QSOX2: variants seen among roughly 807,000 people sequenced by gnomAD.
QSOX2 encodes quiescin sulfhydryl oxidase 2, also known as sulfhydryl oxidase 2.
A neutral mutation model predicts 61.7 loss-of-function variants in QSOX2; 46 were observed. That is an observed-to-expected ratio of 0.75 (90% confidence interval 0.59 to 0.95). The LOEUF (loss-of-function observed/expected upper bound fraction) is 0.95, where lower values mean the gene tolerates loss of function less well. QSOX2 is among the 40% of genes least tolerant of loss of function. The pLI, the probability that QSOX2 is intolerant of heterozygous loss-of-function variation, is 0.00. For synonymous variants in QSOX2, 383 were observed against 388.4 expected (o/e 0.99, Z 0.16); for missense variants, 879 against 918.9 (o/e 0.96, Z 0.56).
chr9:136,233,064 G>A (rs1007492195), intron 1 of QSOX2, among the ~76,000 whole-genome samples: 1 of 152,078 alleles, frequency 6.6e-6, no homozygotes, highest in African/African-American at 2.4e-5. Flanking sequence ...GGAAGGAAGA[G>A]GAGCGAGCAC....
At chr9:136,219,639 A>G (rs904812171) in intron 6 of QSOX2, among the ~76,000 whole-genome samples, 23 of 152,084 alleles carry the variant, frequency 1.5e-4, no homozygotes, top group African/African-American at 4.3e-4. Flanking sequence ...CTGTGTGGAC[A>G]GGGTGGAGCT....
chr9:136,211,480 C>CGGCAGGTG (rs1554755910), intron 10 of QSOX2, 28 bp from the exon 11 acceptor site: 9 of 1,607,770 alleles, frequency 5.6e-6, no homozygotes, highest in African/African-American at 1.3e-5. Flanking sequence ...CTGCTGACAA[C>CGGCAGGTG]GGCAGGTGCG....
chr9:136,242,679 C>T (rs1283218435), intron 1 of QSOX2, among the ~76,000 whole-genome samples: 1 of 152,254 alleles, frequency 6.6e-6, no homozygotes, highest in Non-Finnish European at 1.5e-5. Flanking sequence ...AGCCAGGCGC[C>T]AAGCAGACAG....
chr9:136,211,519 A>G (rs1486825755), intron 10 of QSOX2, 67 bp from the exon 11 acceptor site: 1 of 1,539,078 alleles, frequency 6.5e-7, no homozygotes, highest in South Asian at 1.1e-5. Context: ...ACGCTTGTCC[A>G]GAGAGCCTGG....
intron 1 of QSOX2, among the ~76,000 whole-genome samples, chr9:136,233,538 TA>T (rs1830351168): frequency 6.6e-6 from 1 of 152,188 alleles, no homozygotes; most frequent in Non-Finnish European, 1.5e-5. Flanking sequence ...CCATCGTTGT[TA>T]TAGGAAGAGC....
rs1830244207 is a variant in QSOX2, at chr9:136,223,363, C to T, written c.675+400G>A. 6.6e-6 allele frequency among the ~76,000 whole-genome samples: 1 copy of T among 152,158 alleles called. No homozygotes were observed. Among genetic ancestry groups the T allele is most frequent in the African/African-American group, 2.4e-5 (1 of 41,414 alleles). Reference sequence around the variant, plus strand: ...GTATGACGATAGAAACGACGTTTTACAGAATCTTGGATTTGGCAAAAATGT... The same window carrying T: ...GTATGACGATAGAAACGACGTTTTATAGAATCTTGGATTTGGCAAAAATGT... On this transcript the variant is annotated intron_variant, in intron 5 of 11. Transcript: ENST00000358701. The surrounding 1 kb of genome is among the most constrained non-coding windows in gnomAD (Gnocchi z 4.4).
rs374517355 is a variant in QSOX2 at position 136,214,712 on chromosome 9, G to A, written c.1360+442C>T. On this transcript the variant is annotated intron_variant, in intron 10 of 11. Transcript: ENST00000358701. ...AGAGGACCCAGATGAGGCCATGCCC[G>A]GCCCTCAGAAACCATGAGCTCATAA... Among the ~76,000 whole-genome samples the A allele has an allele frequency of 7.2e-5, 11 of 152,300 alleles. No homozygotes were observed. The South Asian group carries it at 8.3e-4, about 11-fold the overall frequency.
intron 1 of QSOX2, among the ~76,000 whole-genome samples, chr9:136,238,427 T>C (rs566049035): frequency 6.6e-6 from 1 of 152,340 alleles, no homozygotes; most frequent in African/African-American, 2.4e-5. Flanking sequence ...ACCACAATTC[T>C]ACCAGGAAGG....
intron 1 of QSOX2, among the ~76,000 whole-genome samples, chr9:136,237,184 G>A (rs574537449): frequency 4.7e-4 from 67 of 143,662 alleles, no homozygotes; most frequent in Non-Finnish European, 3.2e-4. Flanking sequence ...TGCCCGTCCT[G>A]TGCCACACCT....
chr9:136,235,307 C>T (rs1830371518), intron 1 of QSOX2, among the ~76,000 whole-genome samples: 1 of 152,262 alleles, frequency 6.6e-6, no homozygotes, highest in Admixed American at 6.5e-5. Context: ...CCCACGACGG[C>T]CACACCTGCA....
chr9:136,216,825 G>A (rs1831920015), intron 8 of QSOX2, 103 bp from the exon 9 acceptor site: 2 of 1,429,460 alleles, frequency 1.4e-6, no homozygotes, highest in East Asian at 4.7e-5. Flanking sequence ...CATCCGCAGA[G>A]GGGCTGAACC....
chr9:136,214,451 T>A (rs1030190231), intron 10 of QSOX2, among the ~76,000 whole-genome samples: 1 of 152,306 alleles, frequency 6.6e-6, no homozygotes, highest in South Asian at 2.1e-4. Context: ...ACCCTCTCAC[T>A]GGCTTGCTGA....
chr9:136,234,026 C>A (rs929042129), intron 1 of QSOX2, among the ~76,000 whole-genome samples: 2 of 152,024 alleles, frequency 1.3e-5, no homozygotes, highest in Non-Finnish European at 2.9e-5. Context: ...GCCGCTGCAA[C>A]CTGGGGCAGG....
At chr9:136,212,558 T>A (rs1373123121) in intron 10 of QSOX2, among the ~76,000 whole-genome samples, 1 of 152,232 alleles carries the variant, frequency 6.6e-6, no homozygotes, top group African/African-American at 2.4e-5. Context: ...CACCTCCTCC[T>A]CAGCCTTGAG....
rs1830236264 is a variant in QSOX2 at position 136,222,943 on chromosome 9, G to A, written c.675+820C>T. ...AGAGAATCCTGGCCAACCATCTGGA[G>A]GCAGCCTGGCGTCACCATCAAACCT... On this transcript the variant is annotated intron_variant, in intron 5 of 11. Transcript: ENST00000358701. This position sits in a 1 kb window ranked among gnomAD's most constrained non-coding sequence, Gnocchi z 6.9. Among the ~76,000 whole-genome samples the A allele has an allele frequency of 6.6e-6, 1 of 152,242 alleles. No individual in the cohort carries two copies. Among genetic ancestry groups the A allele is most frequent in the South Asian group, 2.1e-4 (1 of 4,836 alleles).
intron 1 of QSOX2, among the ~76,000 whole-genome samples, 191 bp from the exon 2 acceptor site, chr9:136,227,065 C>T (rs1424639164): frequency 1.3e-5 from 2 of 152,166 alleles, no homozygotes; most frequent in African/African-American, 4.8e-5. Flanking sequence ...ACCAACAGCA[C>T]GATGCCTCTC....
At position 136,211,340 on chromosome 9, in the gene QSOX2, C is replaced by T. The variant is rs1470127701; in HGVS notation, c.1473G>A (p.Met491Ile). The stretch of plus-strand genomic sequence containing the variant: ...CTTGGTCTGGGGTTTTCACCGAGTC[C>T]ATGGATTCTTTAGCCATTTCCTCAA... ...EHFEEMAKES[M>I]DSVKTPDQAI... Residue 491 changes from methionine (M) to isoleucine (I), a missense_variant, in exon 11 of 12, where the codon ATG (methionine) becomes ATA (isoleucine). Physicochemically the swap from Met to Ile is conservative, Grantham distance 10 (BLOSUM62 1). Coordinates refer to ENST00000358701, the MANE Select transcript of QSOX2 (RefSeq NM_181701.4). 1 of 1,614,254 alleles carries T rather than the reference C, an allele frequency of 6.2e-7. No individual in the cohort carries two copies. Among genetic ancestry groups the T allele is most frequent in the Admixed American group, 1.7e-5 (1 of 60,034 alleles).
intron 10 of QSOX2, 101 bp downstream of exon 10, chr9:136,215,053 A>G: frequency 7.2e-7 from 1 of 1,382,498 alleles, no homozygotes; most frequent in East Asian, 2.5e-5. Flanking sequence ...GCCTGGCGAC[A>G]TGCTGCCTCC....
At chr9:136,235,162 G>A (rs1830369728) in intron 1 of QSOX2, among the ~76,000 whole-genome samples, 1 of 152,246 alleles carries the variant, frequency 6.6e-6, no homozygotes, top group African/African-American at 2.4e-5. Context: ...TGCTCCATCT[G>A]TAAAATGGAG....
Sources: allele counts gnomAD v4.1 joint callset (sites outside exome capture counted in the v4.1 genomes callset), GRCh38; gene constraint gnomAD v4.1.1; non-coding constraint Gnocchi (gnomAD v3.1); transcripts MANE v1.5; gene names NCBI Gene and HGNC (gene_info 2026-07-23, HGNC 2026-07-21).